The following CSMD3 variants were observed in gnomAD, a reference collection of about 807,000 sequenced individuals.
CSMD3 encodes CUB and sushi domain-containing protein 3.
In CSMD3, 177 loss-of-function variants were observed where a neutral mutation model predicts 435.2. The ratio of observed to expected loss-of-function variants is 0.41; its 90% CI spans 0.36 to 0.46. The LOEUF (loss-of-function observed/expected upper bound fraction) is 0.46. Among genes scored for constraint, CSMD3 ranks in the 20% least tolerant of loss-of-function variants. The pLI is 0.34. For missense variants in CSMD3, 4,265 were observed against 4,504.6 expected (o/e 0.95, Z 1.52); for synonymous variants, 1,656 against 1,520.5 (o/e 1.09, Z -2.07).
intron 16 of CSMD3, among the ~76,000 whole-genome samples, chr8:112,668,969 GA>G (rs904628316): frequency 6.8e-5 from 10 of 146,216 alleles, no homozygotes; most frequent in East Asian, 2.0e-4. Flanking sequence ...AACAGCTGAA[GA>G]AAAAAAAAGC....
chr8:112,368,632 T>C (rs2131162193), intron 38 of CSMD3, among the ~76,000 whole-genome samples: 1 of 152,286 alleles, frequency 6.6e-6, no homozygotes, highest in East Asian at 1.9e-4. Context: ...CAATAAATAC[T>C]TGATGAATAA....
chr8:112,717,045 C>G (rs779605525), intron 13 of CSMD3, among the ~76,000 whole-genome samples: 1 of 152,038 alleles, frequency 6.6e-6, no homozygotes, highest in Non-Finnish European at 1.5e-5. Flanking sequence ...AAAGCAATTG[C>G]AACAGAAGCT....
intron 5 of CSMD3, among the ~76,000 whole-genome samples, chr8:113,072,695 T>A (rs549375301): frequency 1.2e-4 from 18 of 151,926 alleles, no homozygotes; most frequent in Admixed American, 4.6e-4. Flanking sequence ...TTTCCTATAC[T>A]CTTCATTTCA....
chr8:112,550,773 A>T lies in CSMD3; in HGVS notation c.4462T>A (p.Ser1488Thr). ...NDMLLKEISGSLIPEGIHSTL... is the reference protein window; with the variant it reads ...NDMLLKEISGTLIPEGIHSTL... ...CTATGAATTCCTTCAGGAATAAGAG[A>T]TCCACTAATTTCCTTTAAAAGCATA... The change falls in exon 27 of 71, where the codon TCT becomes ACT. Residue 1488 changes from serine to threonine, a missense_variant. This residue lies in a region of CSMD3 where 3,255 missense variants were observed against 3,380.2 expected (regional missense o/e 0.96). Transcript: ENST00000297405. 1 of 1,602,684 alleles carries T rather than the reference A, an allele frequency of 6.2e-7. No homozygotes were observed. Among genetic ancestry groups the T allele is most frequent in the Non-Finnish European group, 8.5e-7 (1 of 1,169,966 alleles).
At chr8:112,630,392 G>A (rs1231794181) in intron 22 of CSMD3, among the ~76,000 whole-genome samples, 1 of 152,058 alleles carries the variant, frequency 6.6e-6, no homozygotes, top group African/African-American at 2.4e-5. Context: ...GAAAGAGTAG[G>A]TTTTAAGCTT....
chr8:113,330,963 A>G (rs1240638996), intron 1 of CSMD3, among the ~76,000 whole-genome samples: 1 of 151,864 alleles, frequency 6.6e-6, no homozygotes, highest in Non-Finnish European at 1.5e-5. Flanking sequence ...TGCACCCAAC[A>G]AAGACCATAT....
intron 1 of CSMD3, among the ~76,000 whole-genome samples, chr8:113,432,577 C>G (rs1441590339): frequency 2.0e-5 from 3 of 152,212 alleles, no homozygotes; most frequent in Non-Finnish European, 4.4e-5. Flanking sequence ...GAGCCGGGGG[C>G]TGCCCTCCTG....
intron 1 of CSMD3, among the ~76,000 whole-genome samples, chr8:113,384,437 A>G (rs2094430994): frequency 6.6e-6 from 1 of 152,188 alleles, no homozygotes; most frequent in Non-Finnish European, 1.5e-5. Flanking sequence ...TTCAATAGAA[A>G]GAACGTATGT....
Position 112,682,510 on chromosome 8 carries a change from G to GA in CSMD3, c.2608_2609insT (p.Thr870IlefsTer53). 6.2e-7 allele frequency: 1 copy of GA among 1,613,486 alleles called. No homozygotes were observed. The highest frequency in any genetic ancestry group is 8.5e-7 in the Non-Finnish European group (1 of 1,179,706). ...CATAAGAATACATGTAATTGTTTCT[G>GA]TTCCCTGGGTTTTAATAAATCCTTC... is the stretch of plus-strand genomic sequence containing the variant. On this transcript the variant is annotated frameshift_variant, in exon 16 of 71. Coordinates refer to ENST00000297405, the MANE Select transcript of CSMD3 (RefSeq NM_198123.2). LOFTEE classifies it high-confidence loss of function.
chr8:113,155,956 A>C (rs1482636531), intron 4 of CSMD3, among the ~76,000 whole-genome samples: 2 of 152,016 alleles, frequency 1.3e-5, no homozygotes, highest in Non-Finnish European at 2.9e-5. Context: ...ATGATTCTGA[A>C]AGTTTCTTTG....
At chr8:112,246,587 G>A (rs929417972) in intron 64 of CSMD3, among the ~76,000 whole-genome samples, 9 of 152,150 alleles carry the variant, frequency 5.9e-5, no homozygotes, top group Non-Finnish European at 1.2e-4. Context: ...TTGGCCAAGT[G>A]CCCATGAATA....
At chr8:112,933,082 G>A (rs549206294) in intron 9 of CSMD3, among the ~76,000 whole-genome samples, 11 of 152,206 alleles carry the variant, frequency 7.2e-5, no homozygotes, top group Admixed American at 3.3e-4. Context: ...AAATCAAATC[G>A]TGGATTGGGG....
chr8:113,338,022 T>C (rs928194279), intron 1 of CSMD3, among the ~76,000 whole-genome samples: 4 of 151,966 alleles, frequency 2.6e-5, no homozygotes, highest in Non-Finnish European at 4.4e-5. Flanking sequence ...GGAAAAAGTA[T>C]TAGCAAATTA....
chr8:112,844,200 C>A (rs1309506396), intron 11 of CSMD3, among the ~76,000 whole-genome samples: 1 of 151,776 alleles, frequency 6.6e-6, no homozygotes, highest in African/African-American at 2.4e-5. Flanking sequence ...ATAATTAATT[C>A]AAAAAAATCA....
chr8:112,249,094 C>T (rs2096726721), intron 63 of CSMD3, among the ~76,000 whole-genome samples: 1 of 152,092 alleles, frequency 6.6e-6, no homozygotes, highest in Non-Finnish European at 1.5e-5. Context: ...TTCAGTCAAA[C>T]CAGTTCTACA....
intron 4 of CSMD3, among the ~76,000 whole-genome samples, chr8:113,147,808 A>G (rs2091711922): frequency 6.6e-6 from 1 of 151,680 alleles, no homozygotes; most frequent in East Asian, 1.9e-4. Context: ...CTTACCATTC[A>G]CACATAACAC....
intron 5 of CSMD3, among the ~76,000 whole-genome samples, chr8:113,023,515 T>C (rs1216732040): frequency 6.6e-6 from 1 of 152,100 alleles, no homozygotes; most frequent in Non-Finnish European, 1.5e-5. Context: ...ATCATGAATC[T>C]TCATGAATGT....
At chr8:112,444,550 AC>A (rs1815387615) in intron 32 of CSMD3, among the ~76,000 whole-genome samples, 1 of 152,250 alleles carries the variant, frequency 6.6e-6, no homozygotes, top group African/African-American at 2.4e-5. Context: ...CTCCTGATGC[AC>A]ACAATAACAT....
intron 27 of CSMD3, among the ~76,000 whole-genome samples, chr8:112,519,670 A>C (rs1475262303): frequency 6.6e-6 from 1 of 152,178 alleles, no homozygotes; most frequent in African/African-American, 2.4e-5. Flanking sequence ...CATTTAAAAC[A>C]CCATGCTATG....
Sources: allele counts gnomAD v4.1 joint callset (sites outside exome capture counted in the v4.1 genomes callset), GRCh38; gene constraint gnomAD v4.1.1; regional missense constraint gnomAD v4.1.1; transcripts MANE v1.5; gene names NCBI Gene and HGNC (gene_info 2026-07-23, HGNC 2026-07-21).